The following SAE1 variants were observed in gnomAD, a reference collection of about 807,000 sequenced individuals.
SAE1 encodes SUMO1 activating enzyme subunit 1, also known as SUMO-activating enzyme subunit 1.
Under a neutral mutation model 40.6 loss-of-function variants are expected in SAE1, and 11 were observed. The ratio of observed to expected loss-of-function variants is 0.27; its 90% CI spans 0.17 to 0.45. The LOEUF (loss-of-function observed/expected upper bound fraction) is 0.45, where lower values mean the gene tolerates loss of function less well. Ranked by LOEUF, SAE1 falls within the 20% of genes least tolerant of loss-of-function variation. The pLI is 1.00. For synonymous variants in SAE1, 155 were observed against 154.3 expected, an observed-to-expected ratio of 1.00 and a Z score of -0.03; for missense variants, 373 against 427.3, an observed-to-expected ratio of 0.87 and a Z score of 1.12.
Position 47,176,044 on chromosome 19 carries a change from C to T in SAE1, c.733+6121C>T, listed in dbSNP as rs115413517. 4.2e-3 allele frequency among the ~76,000 whole-genome samples: 646 copies of T among 152,286 alleles called. 6 individuals carry two copies. Among genetic ancestry groups the T allele is most frequent in the African/African-American group, 0.015 (613 of 41,560 alleles). ...GTCTTCTAAATTTCTAGGAGAACTA[C>T]TGTTAAGTTTTTTAGTATCTTGTTG... On this transcript the variant is annotated intron_variant, in intron 6 of 8. Transcript: ENST00000270225.
At chr19:47,148,316 G>T (rs141623683) in intron 2 of SAE1, among the ~76,000 whole-genome samples, 2 of 152,180 alleles carry the variant, frequency 1.3e-5, no homozygotes, top group African/African-American at 4.8e-5. Flanking sequence ...TCTTGGAGGA[G>T]AAGGTAGTAA....
At chr19:47,197,426 T>G in intron 7 of SAE1, 49 bp downstream of exon 7, 1 of 1,530,266 alleles carries the variant, frequency 6.5e-7, no homozygotes, top group Non-Finnish European at 8.8e-7. Flanking sequence ...TAAAGTTTGT[T>G]TTCAGGATTT....
chr19:47,163,391 T>C (rs534500525), intron 5 of SAE1, among the ~76,000 whole-genome samples: 7 of 152,334 alleles, frequency 4.6e-5, no homozygotes, highest in Admixed American at 2.6e-4. Context: ...ACTGTTTACA[T>C]AGCAATTCCA....
chr19:47,132,744 C>T (rs2058153996), intron 1 of SAE1, among the ~76,000 whole-genome samples: 1 of 151,918 alleles, frequency 6.6e-6, no homozygotes. Flanking sequence ...AAAAATTAGC[C>T]AGGCATGGTG....
intron 5 of SAE1, among the ~76,000 whole-genome samples, chr19:47,168,644 T>C (rs886334035): frequency 6.6e-6 from 1 of 151,978 alleles, no homozygotes; most frequent in Non-Finnish European, 1.5e-5. Flanking sequence ...CTCTTGTTGC[T>C]GAGGCTGGAG....
At chr19:47,141,305 A>C (rs1225334375) in intron 1 of SAE1, among the ~76,000 whole-genome samples, 1 of 150,662 alleles carries the variant, frequency 6.6e-6, no homozygotes, top group East Asian at 1.9e-4. Context: ...CCTGGCCATA[A>C]TTTTTTTTGT....
At position 47,179,971 on chromosome 19, in the gene SAE1, A is replaced by C. The variant is rs558307130; in HGVS notation, c.733+10048A>C. Among the ~76,000 whole-genome samples, 4 of 152,302 alleles carry C rather than the reference A, an allele frequency of 2.6e-5. No individual in the cohort carries two copies. In the South Asian group the frequency reaches 8.3e-4, roughly 32 times the overall value. On this transcript the variant is annotated intron_variant, in intron 6 of 8. Transcript: ENST00000270225. ...TTAATAGTGAGAATCAAGTTTTCTT[A>C]TTGTCAGAAAAGGGTGTTCCTATGA...
intron 3 of SAE1, among the ~76,000 whole-genome samples, chr19:47,150,628 A>G (rs2058282400): frequency 6.6e-6 from 1 of 152,152 alleles, no homozygotes; most frequent in Non-Finnish European, 1.5e-5. Flanking sequence ...CTCTGGGCAT[A>G]TGTTCCCTCA....
intron 6 of SAE1, among the ~76,000 whole-genome samples, chr19:47,174,671 C>A (rs1267395466): frequency 2.0e-5 from 3 of 147,518 alleles, no homozygotes; most frequent in African/African-American, 7.6e-5. Context: ...CTCCCGGGTT[C>A]ACGCCATTCT....
intron 1 of SAE1, 39 bp from the exon 2 acceptor site, chr19:47,143,455 C>T (rs758539906): frequency 6.7e-7 from 1 of 1,503,060 alleles, no homozygotes. Context: ...TGCAAGCTCA[C>T]TGTTCTGTAT....
chr19:47,189,613 C>T (rs307902), intron 6 of SAE1, among the ~76,000 whole-genome samples: 11,746 of 151,994 alleles, frequency 0.077, 1,098 homozygotes, highest in African/African-American at 0.22. Flanking sequence ...GAGGAGTCTA[C>T]GTTCAGCTGC....
intron 1 of SAE1, among the ~76,000 whole-genome samples, chr19:47,133,160 A>T (rs1232243552): frequency 6.6e-6 from 1 of 152,208 alleles, no homozygotes; most frequent in Non-Finnish European, 1.5e-5. Flanking sequence ...AGTAGCTTTT[A>T]TTCTAAGTGT....
chr19:47,172,778 A>G (rs76340530), intron 6 of SAE1, among the ~76,000 whole-genome samples: 23 of 151,824 alleles, frequency 1.5e-4, no homozygotes, highest in South Asian at 1.0e-3. Context: ...AAAAAAAAAA[A>G]AGAGAAAAGA....
chr19:47,139,755 ATT>A (rs780524600), intron 1 of SAE1, among the ~76,000 whole-genome samples: 9 of 125,102 alleles, frequency 7.2e-5, no homozygotes, highest in Non-Finnish European at 6.8e-5. Context: ...CTCCCGGCCA[ATT>A]TTTTTTTTTT....
At chr19:47,174,122 C>G (rs2058453198) in intron 6 of SAE1, among the ~76,000 whole-genome samples, 1 of 151,964 alleles carries the variant, frequency 6.6e-6, no homozygotes, top group African/African-American at 2.4e-5. Flanking sequence ...GGTATTATGG[C>G]AACAGTCTCA....
chr19:47,130,848 T>G lies in SAE1; in HGVS notation c.-83T>G, dbSNP rs1464335143. On this transcript the variant is annotated 5_prime_UTR_variant, in exon 1 of 9. Transcript: ENST00000270225. ...ATGCGCAGAAGCACTCCGGGCGTGC[T>G]GCCGGCGGCGGTAGGTGGCGCGCGG... 48 of 1,541,240 alleles carry G rather than the reference T, an allele frequency of 3.1e-5. 1 individual carries two copies. Among genetic ancestry groups the G allele is most frequent in the South Asian group, 7.2e-5 (6 of 83,032 alleles).
Position 47,169,823 on chromosome 19 carries a change from G to A in SAE1, c.633G>A (p.Val211=), listed in dbSNP as rs765421039. ...SSETTMVKKK[V]VFCPVKEALE... ...GTTCTGCCTTTTTTCCACAGAAGGT[G>A]GTCTTCTGCCCTGTTAAAGAAGCCC... Residue 211 remains valine (V), a synonymous_variant, in exon 6 of 9, where the codon GTG becomes GTA. Coordinates refer to ENST00000270225, the MANE Select transcript of SAE1 (RefSeq NM_005500.3). 4.3e-6 allele frequency: 7 copies of A among 1,611,364 alleles called. No individual in the cohort carries two copies. Among genetic ancestry groups the A allele is most frequent in the Non-Finnish European group, 5.9e-6 (7 of 1,177,638 alleles).
intron 8 of SAE1, among the ~76,000 whole-genome samples, chr19:47,208,719 C>T (rs1228211489): frequency 6.6e-6 from 1 of 152,118 alleles, no homozygotes; most frequent in African/African-American, 2.4e-5. Flanking sequence ...GCCACTGCGC[C>T]CCACCTATTT....
chr19:47,190,253 C>T (rs936024255), intron 6 of SAE1, among the ~76,000 whole-genome samples: 2 of 152,206 alleles, frequency 1.3e-5, no homozygotes, highest in Non-Finnish European at 2.9e-5. Context: ...TAGAGCACCT[C>T]TCTATCCCTG....
Sources: allele counts gnomAD v4.1 joint callset (sites outside exome capture counted in the v4.1 genomes callset), GRCh38; gene constraint gnomAD v4.1.1; transcripts MANE v1.5; gene names NCBI Gene and HGNC (gene_info 2026-07-23, HGNC 2026-07-21).